Variants in FSTL4 observed in about 807,000 individuals in gnomAD.
FSTL4 encodes follistatin like 4, also known as follistatin-related protein 4.
FSTL4 carries 28 observed loss-of-function variants against 78.2 expected under a neutral mutation model. The observed-to-expected ratio is 0.36, with a 90% CI of 0.27 to 0.49. The LOEUF (loss-of-function observed/expected upper bound fraction) is 0.49. FSTL4 is among the 20% of genes least tolerant of loss of function. FSTL4 has a pLI of 0.98. For synonymous variants in FSTL4, 422 were observed against 440.5 expected, an observed-to-expected ratio of 0.96 and a Z score of 0.53; for missense variants, 922 against 1,084.9, an observed-to-expected ratio of 0.85 and a Z score of 2.11.
intron 3 of FSTL4, among the ~76,000 whole-genome samples, chr5:133,511,945 G>C (rs1389181604): frequency 6.6e-6 from 1 of 152,098 alleles, no homozygotes; most frequent in African/African-American, 2.4e-5. Flanking sequence ...TGCATGGTGG[G>C]AGCCAAATGC....
intron 3 of FSTL4, among the ~76,000 whole-genome samples, chr5:133,521,836 C>G (rs888252728): frequency 2.6e-5 from 4 of 152,132 alleles, no homozygotes; most frequent in African/African-American, 9.6e-5. Flanking sequence ...GTAAGAAAGC[C>G]GCTAGATGTT....
chr5:133,365,821 C>T (rs756799081), intron 4 of FSTL4, among the ~76,000 whole-genome samples: 4 of 152,196 alleles, frequency 2.6e-5, no homozygotes, highest in African/African-American at 4.8e-5. Flanking sequence ...ATCAGAACAC[C>T]GAATGCTGAA....
chr5:133,333,770 G>A (rs1042980723), intron 4 of FSTL4, among the ~76,000 whole-genome samples: 5 of 152,214 alleles, frequency 3.3e-5, no homozygotes, highest in African/African-American at 4.8e-5. Flanking sequence ...CCTGCACTGC[G>A]CAGGGCCTCC....
chr5:133,706,931 G>C, the FSTL4 span, among the ~76,000 whole-genome samples: 2 of 152,078 alleles, frequency 1.3e-5, no homozygotes, highest in Non-Finnish European at 2.9e-5. Flanking sequence ...CTGGGCTCTC[G>C]GGAGGCCACA....
chr5:133,204,996 A>C (rs991669747), intron 14 of FSTL4, among the ~76,000 whole-genome samples: 8 of 149,086 alleles, frequency 5.4e-5, no homozygotes, highest in Non-Finnish European at 1.1e-4. Context: ...ATGATTTCAT[A>C]CTTTTTTTTT....
At chr5:133,670,708 T>A in the FSTL4 span, among the ~76,000 whole-genome samples, 1 of 152,232 alleles carries the variant, frequency 6.6e-6, no homozygotes, top group Non-Finnish European at 1.5e-5. Context: ...GAACAAAAAG[T>A]GCTCCATCTG....
the FSTL4 span, among the ~76,000 whole-genome samples, chr5:133,726,218 G>A: frequency 6.6e-6 from 1 of 152,202 alleles, no homozygotes; most frequent in Non-Finnish European, 1.5e-5. Context: ...AGGGAAGCCA[G>A]GCTAAAAAGT....
chr5:133,453,660 G>C (rs1025456142), intron 3 of FSTL4, among the ~76,000 whole-genome samples: 7 of 152,184 alleles, frequency 4.6e-5, no homozygotes, highest in African/African-American at 7.2e-5. Context: ...AAACCTCCTA[G>C]TGGGTCTGTG....
intron 4 of FSTL4, among the ~76,000 whole-genome samples, chr5:133,328,106 G>T (rs1754258738): frequency 1.3e-5 from 2 of 152,198 alleles, no homozygotes; most frequent in Admixed American, 1.3e-4. Flanking sequence ...GCTTGACATG[G>T]CCTTTTACCC....
At chr5:133,672,150 G>A in the FSTL4 span, among the ~76,000 whole-genome samples, 14 of 152,204 alleles carry the variant, frequency 9.2e-5, no homozygotes, top group Non-Finnish European at 1.5e-4. Flanking sequence ...TAAAGTTGAG[G>A]AGAGAGTCTT....
chr5:133,476,011 G>C (rs536900274), intron 3 of FSTL4, among the ~76,000 whole-genome samples: 1 of 152,106 alleles, frequency 6.6e-6, no homozygotes, highest in Non-Finnish European at 1.5e-5. Context: ...GGTGGGTGAG[G>C]GGTGCACAGC....
At chr5:133,413,995 G>A (rs934495233) in intron 3 of FSTL4, among the ~76,000 whole-genome samples, 3 of 151,710 alleles carry the variant, frequency 2.0e-5, no homozygotes, top group Non-Finnish European at 4.4e-5. Flanking sequence ...GATTTTGTTG[G>A]TTCTTACATG....
chr5:133,477,036 T>C (rs916082081), intron 3 of FSTL4, among the ~76,000 whole-genome samples: 15 of 152,234 alleles, frequency 9.9e-5, no homozygotes, highest in Non-Finnish European at 2.2e-4. Context: ...TTGAAGACTT[T>C]TGTGCCCCTG....
the FSTL4 span, among the ~76,000 whole-genome samples, chr5:133,630,713 A>G: frequency 6.6e-6 from 1 of 152,230 alleles, no homozygotes; most frequent in Admixed American, 6.5e-5. Context: ...ACAAAGCTGG[A>G]GGCATCACGC....
chr5:133,824,349 G>A, the FSTL4 span, among the ~76,000 whole-genome samples: 5 of 152,182 alleles, frequency 3.3e-5, no homozygotes, highest in South Asian at 8.3e-4. Flanking sequence ...TCAGGGAAAC[G>A]CTTTACTTAC....
intron 14 of FSTL4, chr5:133,208,115 G>A (rs945313633): frequency 6.6e-6 from 1 of 152,130 alleles, no homozygotes; most frequent in Non-Finnish European, 1.5e-5. Context: ...TTCCTCTCCT[G>A]GTTCATTACT....
the FSTL4 span, among the ~76,000 whole-genome samples, chr5:133,661,318 A>G: frequency 6.6e-6 from 1 of 152,110 alleles, no homozygotes; most frequent in Non-Finnish European, 1.5e-5. Flanking sequence ...GCTTACTGTC[A>G]CTATGACCTT....
At chr5:133,201,902 G>T in intron 15 of FSTL4, 31 bp downstream of exon 15, 1 of 1,281,580 alleles carries the variant, frequency 7.8e-7, no homozygotes. Flanking sequence ...GGAGCGGGGA[G>T]TGCCTTAGAG....
At chr5:133,306,145 G>T (rs1276146705) in intron 6 of FSTL4, among the ~76,000 whole-genome samples, 1 of 152,246 alleles carries the variant, frequency 6.6e-6, no homozygotes, top group Admixed American at 6.5e-5. Flanking sequence ...TATTTAGAAG[G>T]TATGCAGATT....
Sources: allele counts gnomAD v4.1 joint callset (sites outside exome capture counted in the v4.1 genomes callset), GRCh38; gene constraint gnomAD v4.1.1; transcripts MANE v1.5; gene names NCBI Gene and HGNC (gene_info 2026-07-23, HGNC 2026-07-21).